Variants in NLRC5 observed in about 807,000 individuals in gnomAD.
NLRC5 encodes the protein NLR family CARD domain containing 5, also known as protein NLRC5.
NLRC5 carries 114 observed loss-of-function variants against 206.9 expected under a neutral mutation model. That is an observed-to-expected ratio of 0.55 (90% CI 0.47 to 0.64). NLRC5 has a LOEUF of 0.64. Among genes scored for constraint, NLRC5 ranks in the 30% least tolerant of loss-of-function variants. NLRC5 has a pLI of 0.00. For synonymous variants in NLRC5, 952 were observed against 962.8 expected (o/e 0.99, Z 0.21); for missense variants, 2,008 against 2,305.5 (o/e 0.87, Z 2.64).
At chr16:56,991,971 G>C (rs1342621218) in intron 1 of NLRC5, 1 of 152,176 alleles carries the variant, frequency 6.6e-6, no homozygotes, top group Non-Finnish European at 1.5e-5. Flanking sequence ...GATGGGCCTT[G>C]AATCCAATAG....
rs756502231 is a variant in NLRC5 at position 57,042,074 on chromosome 16, C to A, written c.3113+9C>A. The A allele has an allele frequency of 1.3e-5, 20 of 1,508,138 alleles. No homozygotes were observed. The highest frequency in any genetic ancestry group is 1.8e-5 in the Non-Finnish European group (20 of 1,128,548). The allele number at this position is 1,508,138 out of a possible 1,614,324, so 93.4% of individuals were successfully genotyped here. On this transcript the variant is annotated intron_variant, in intron 19 of 48. Coordinates refer to ENST00000688547, the MANE Select transcript of NLRC5 (RefSeq NM_001384950.1). Reference sequence around the variant, plus strand: ...GCTCTGCAGTCCTTGAAGTGAGTAGCCCGCTAGGCAGAGCCTCTGAGGCTG... The same window carrying A: ...GCTCTGCAGTCCTTGAAGTGAGTAGACCGCTAGGCAGAGCCTCTGAGGCTG...
intron 43 of NLRC5, among the ~76,000 whole-genome samples, chr16:57,078,661 G>A (rs1287184722): frequency 1.3e-5 from 2 of 152,002 alleles, no homozygotes; most frequent in African/African-American, 2.4e-5. Flanking sequence ...AGTAGAGACG[G>A]CATTTCACCA....
intron 36 of NLRC5, 110 bp from the exon 37 acceptor site, chr16:57,069,726 A>G (rs1166862372): frequency 4.8e-6 from 4 of 826,152 alleles, no homozygotes; most frequent in Non-Finnish European, 8.0e-6. Flanking sequence ...GTCTCCTCAC[A>G]TTGCCCGCCA....
At chr16:57,058,497 C>T in intron 28 of NLRC5, 2 of 348,706 alleles carry the variant, frequency 5.7e-6, no homozygotes, top group Non-Finnish European at 1.1e-5. Context: ...TCCATCCCGT[C>T]CCTGAAATTC....
chr16:57,037,017 T>C (rs1201764037), intron 14 of NLRC5, among the ~76,000 whole-genome samples, 178 bp from the exon 15 acceptor site: 2 of 152,036 alleles, frequency 1.3e-5, no homozygotes, highest in Non-Finnish European at 2.9e-5. Flanking sequence ...GATGGGGGTG[T>C]CATGCATTTT....
At chr16:57,056,563 A>G (rs146115741) in intron 27 of NLRC5, among the ~76,000 whole-genome samples, 1 of 152,188 alleles carries the variant, frequency 6.6e-6, no homozygotes, top group African/African-American at 2.4e-5. Context: ...GATTACAGGC[A>G]TGAGCCGCTG....
At chr16:57,051,402 A>C (rs1222314267) in intron 23 of NLRC5, 136 bp from the exon 24 acceptor site, 1 of 706,308 alleles carries the variant, frequency 1.4e-6, no homozygotes, top group Non-Finnish European at 2.6e-6. Context: ...CGGATAACCC[A>C]TGGACCCAGT....
At chr16:57,015,668 C>T (rs931067521) in intron 1 of NLRC5, among the ~76,000 whole-genome samples, 1 of 151,572 alleles carries the variant, frequency 6.6e-6, no homozygotes, top group Non-Finnish European at 1.5e-5. Context: ...TGGCTCATGC[C>T]TATAATCCCA....
intron 20 of NLRC5, among the ~76,000 whole-genome samples, chr16:57,045,118 T>A (rs1010253915): frequency 1.3e-5 from 2 of 151,254 alleles, no homozygotes; most frequent in Admixed American, 1.3e-4. Flanking sequence ...GGCAGTAGGA[T>A]CAGTTGAGCC....
chr16:57,021,991 G>A (rs1402823346), intron 3 of NLRC5, among the ~76,000 whole-genome samples: 1 of 152,212 alleles, frequency 6.6e-6, no homozygotes, highest in Non-Finnish European at 1.5e-5. Context: ...GCATGCAAGT[G>A]TGCCCACATG....
intron 1 of NLRC5, among the ~76,000 whole-genome samples, chr16:56,991,409 T>C (rs1473609669): frequency 2.1e-5 from 3 of 141,358 alleles, no homozygotes; most frequent in Admixed American, 1.4e-4. Context: ...TTTGACGAAG[T>C]CTCACTCTGT....
intron 24 of NLRC5, among the ~76,000 whole-genome samples, chr16:57,053,270 C>T (rs1054894121): frequency 1.3e-5 from 2 of 152,032 alleles, no homozygotes; most frequent in African/African-American, 4.8e-5. Context: ...AGAGAGAGCT[C>T]GCCTTGTGAA....
At chr16:57,047,819 A>G (rs2064207375) in intron 23 of NLRC5, 191 bp downstream of exon 23, 2 of 609,054 alleles carry the variant, frequency 3.3e-6, no homozygotes, top group South Asian at 3.8e-5. Context: ...TAGGCAGCGC[A>G]TGTCTCCCAC....
chr16:57,057,565 T>G (rs1301344521), intron 27 of NLRC5, among the ~76,000 whole-genome samples: 1 of 152,208 alleles, frequency 6.6e-6, no homozygotes, highest in Admixed American at 6.5e-5. Context: ...AACATTTTTT[T>G]TTCCTGAATT....
intron 3 of NLRC5, 187 bp downstream of exon 3, chr16:57,021,194 A>AC: frequency 1.8e-6 from 1 of 550,864 alleles, no homozygotes; most frequent in Non-Finnish European, 3.2e-6. Flanking sequence ...GGCCTGGAGG[A>AC]CCCCTCCTTC....
intron 14 of NLRC5, 100 bp downstream of exon 14, chr16:57,036,283 C>A: frequency 1.8e-6 from 2 of 1,086,478 alleles, no homozygotes; most frequent in Non-Finnish European, 2.7e-6. Flanking sequence ...GATCCACTGC[C>A]ACCCCTGCTT....
rs570733376 is a variant in NLRC5 at position 57,047,120 on chromosome 16, C to T, written c.3339-425C>T. Among the ~76,000 whole-genome samples, 7 of 152,294 alleles carry T rather than the reference C, an allele frequency of 4.6e-5. No individual in the cohort carries two copies. In the South Asian group the frequency reaches 1.5e-3, roughly 32 times the overall value. On this transcript the variant is annotated intron_variant, in intron 22 of 48. Transcript: ENST00000688547. ...AAGGACATTTCAATTTCACTGTTAG[C>T]CCCAGGGCAATGGGGAGCCACGGGG... is the stretch of plus-strand genomic sequence containing the variant.
At chr16:57,063,992 C>T (rs1597414749) in intron 32 of NLRC5, among the ~76,000 whole-genome samples, 1 of 152,044 alleles carries the variant, frequency 6.6e-6, no homozygotes, top group African/African-American at 2.4e-5. Context: ...CCCACCTCAG[C>T]CTCCCAAAGT....
chr16:57,012,979 C>A (rs1208815565), intron 1 of NLRC5: 1 of 155,010 alleles, frequency 6.5e-6, no homozygotes, highest in Non-Finnish European at 1.4e-5. Flanking sequence ...AAAAATAATT[C>A]TTTAAATTTA....
Sources: allele counts gnomAD v4.1 joint callset (sites outside exome capture counted in the v4.1 genomes callset), GRCh38; gene constraint gnomAD v4.1.1; transcripts MANE v1.5; gene names NCBI Gene and HGNC (gene_info 2026-07-23, HGNC 2026-07-21).